PCSK6: variants seen among roughly 807,000 people sequenced by gnomAD.
The protein encoded by PCSK6 is proprotein convertase subtilisin/kexin type 6.
PCSK6 carries 85 observed loss-of-function variants against 123.3 expected under a neutral mutation model. The ratio of observed to expected loss-of-function variants is 0.69; its 90% CI spans 0.58 to 0.83. The LOEUF (loss-of-function observed/expected upper bound fraction) is 0.83, where lower values mean the gene tolerates loss of function less well. PCSK6 is among the 40% of genes least tolerant of loss of function. PCSK6 has a pLI of 0.00. For missense variants in PCSK6, 1,191 were observed against 1,282.3 expected (o/e 0.93, Z 1.09); for synonymous variants, 508 against 516.0 (o/e 0.98, Z 0.21).
intron 11 of PCSK6, among the ~76,000 whole-genome samples, chr15:101,375,988 C>T (rs964512196): frequency 1.2e-4 from 19 of 152,164 alleles, no homozygotes; most frequent in Non-Finnish European, 2.2e-4. Flanking sequence ...GAGCCGAGAT[C>T]GCGCCACTGC....
intron 20 of PCSK6, among the ~76,000 whole-genome samples, chr15:101,311,625 C>T (rs923769381): frequency 6.6e-6 from 1 of 151,912 alleles, no homozygotes; most frequent in Non-Finnish European, 1.5e-5. Context: ...AGCAGGCTAA[C>T]GCCTGGTACT....
chr15:101,395,452 G>A (rs1485076471), intron 7 of PCSK6, among the ~76,000 whole-genome samples: 3 of 152,206 alleles, frequency 2.0e-5, no homozygotes, highest in Non-Finnish European at 2.9e-5. Context: ...CATTTACTAT[G>A]AGACCAACCC....
intron 17 of PCSK6, among the ~76,000 whole-genome samples, chr15:101,324,528 C>T (rs904925696): frequency 2.6e-5 from 4 of 152,230 alleles, no homozygotes; most frequent in African/African-American, 7.2e-5. Flanking sequence ...TCAAGAGTGG[C>T]TGGCCCTAGC....
At chr15:101,309,875 G>A (rs1184654824) in intron 20 of PCSK6, among the ~76,000 whole-genome samples, 3 of 151,842 alleles carry the variant, frequency 2.0e-5, no homozygotes, top group African/African-American at 4.8e-5. Context: ...TGTTCTCAGC[G>A]TCGGGCCTCG....
intron 6 of PCSK6, among the ~76,000 whole-genome samples, chr15:101,416,813 G>A (rs2055903968): frequency 6.6e-6 from 1 of 152,248 alleles, no homozygotes; most frequent in Non-Finnish European, 1.5e-5. Flanking sequence ...GCCTGCAGGT[G>A]CACAGAAGTC....
chr15:101,424,618 TACACA>T (rs533430338), intron 6 of PCSK6, among the ~76,000 whole-genome samples: 20,592 of 152,156 alleles, frequency 0.14, 1,631 homozygotes, highest in African/African-American at 0.2. Context: ...AGTGGAATGG[TACACA>T]GGCAGGTAAA....
intron 6 of PCSK6, among the ~76,000 whole-genome samples, chr15:101,421,018 C>T (rs578183009): frequency 3.3e-5 from 5 of 152,340 alleles, no homozygotes; most frequent in African/African-American, 1.2e-4. Context: ...ACGATCTTGG[C>T]TCACTGAAAC....
chr15:101,382,770 CT>C (rs1567178657), intron 10 of PCSK6, among the ~76,000 whole-genome samples: 1 of 152,090 alleles, frequency 6.6e-6, no homozygotes, highest in African/African-American at 2.4e-5. Context: ...GGGCAGGAGA[CT>C]TTCAAAGTTT....
intron 15 of PCSK6, among the ~76,000 whole-genome samples, chr15:101,326,797 G>A (rs535096644): frequency 1.2e-3 from 187 of 152,326 alleles, no homozygotes; most frequent in African/African-American, 4.0e-3. Flanking sequence ...GAGGGGTAGC[G>A]GGGAGGGAGA....
chr15:101,394,763 A>T (rs2042353253), intron 7 of PCSK6, among the ~76,000 whole-genome samples: 1 of 152,190 alleles, frequency 6.6e-6, no homozygotes, highest in Non-Finnish European at 1.5e-5. Flanking sequence ...GTACGCTCAC[A>T]CCACGGGGGT....
intron 11 of PCSK6, among the ~76,000 whole-genome samples, chr15:101,375,079 A>G (rs2041695411): frequency 6.6e-6 from 1 of 151,850 alleles, no homozygotes; most frequent in South Asian, 2.1e-4. Flanking sequence ...CAGACTCCTG[A>G]GTAGCTGGGA....
Position 101,370,318 on chromosome 15 carries a change from C to T in PCSK6, c.1721+17G>A, listed in dbSNP as rs374594895. 14 of 1,499,814 alleles carry T rather than the reference C, an allele frequency of 9.3e-6. No individual in the cohort carries two copies. The highest frequency in any genetic ancestry group is 5.6e-5 in the African/African-American group (4 of 71,996). 92.9% of individuals were successfully genotyped at this position (1,499,814 alleles called of 1,614,324 possible). ...TCAGTGAGCCCAGACCCCATCCCCACGCCTGCCTCGCCTTACCTCTTTGCC... is the reference window on the plus strand; with the variant it reads ...TCAGTGAGCCCAGACCCCATCCCCATGCCTGCCTCGCCTTACCTCTTTGCC... On this transcript the variant is annotated intron_variant, in intron 12 of 21. Coordinates refer to ENST00000611716, the MANE Select transcript of PCSK6 (RefSeq NM_002570.5).
intron 1 of PCSK6, among the ~76,000 whole-genome samples, chr15:101,463,982 T>C (rs929783262): frequency 6.6e-5 from 10 of 152,158 alleles, no homozygotes; most frequent in Non-Finnish European, 1.3e-4. Flanking sequence ...CAAAGAGTCA[T>C]TGATGCTCAA....
chr15:101,318,557 A>G (rs1310422147), intron 18 of PCSK6, 135 bp from the exon 19 acceptor site: 2 of 763,418 alleles, frequency 2.6e-6, no homozygotes, highest in Non-Finnish European at 4.4e-6. Flanking sequence ...TTCTCAGCTA[A>G]GGAAAGTCGG....
In PCSK6 at chr15:101,331,633, G is replaced by T; in HGVS notation, c.2077+18C>A. The T allele has an allele frequency of 6.2e-7, 1 of 1,611,644 alleles. No individual in the cohort carries two copies. Among genetic ancestry groups the T allele is most frequent in the Non-Finnish European group, 8.5e-7 (1 of 1,178,202 alleles). ...CTGGGAAGGTTGGAAAATACTTACT[G>T]GTTTGAAGCATACTTACTGGTCTGT... On this transcript the variant is annotated intron_variant, in intron 15 of 21. Coordinates refer to ENST00000611716, the MANE Select transcript of PCSK6 (RefSeq NM_002570.5).
chr15:101,346,501 A>C (rs909687700), intron 13 of PCSK6: 4 of 199,530 alleles, frequency 2.0e-5, no homozygotes, highest in Non-Finnish European at 3.0e-5. Flanking sequence ...AAGACCAAGT[A>C]GAAATGCCTG....
At chr15:101,322,208 G>A (rs2040141202) in intron 18 of PCSK6, among the ~76,000 whole-genome samples, 1 of 152,216 alleles carries the variant, frequency 6.6e-6, no homozygotes, top group Non-Finnish European at 1.5e-5. Flanking sequence ...GACAGCGAGG[G>A]GAACTGGAGC....
chr15:101,313,570 G>A, intron 19 of PCSK6, 65 bp from the exon 20 acceptor site: 1 of 1,538,242 alleles, frequency 6.5e-7, no homozygotes, highest in Non-Finnish European at 8.7e-7. Context: ...CCCCAGGCCT[G>A]CTTCAGGGCC....
At chr15:101,402,467 A>G (rs2042619918) in intron 6 of PCSK6, among the ~76,000 whole-genome samples, 1 of 152,272 alleles carries the variant, frequency 6.6e-6, no homozygotes, top group African/African-American at 2.4e-5. Context: ...AGAAACTACC[A>G]TCAGAGTGAA....
Sources: gnomAD v4.1 joint callset for allele counts (sites outside exome capture counted in the v4.1 genomes callset) on GRCh38, gnomAD v4.1.1 for gene constraint, MANE v1.5 for transcripts, NCBI Gene and HGNC (gene_info 2026-07-23, HGNC 2026-07-21) for gene names.